Variants in LRBA observed in about 807,000 individuals in gnomAD.
LRBA encodes the protein lipopolysaccharide-responsive and beige-like anchor protein.
Under a neutral mutation model 330.0 loss-of-function variants are expected in LRBA, and 176 were observed. That is an observed-to-expected ratio of 0.53 (90% CI 0.47 to 0.60). The LOEUF (loss-of-function observed/expected upper bound fraction) is 0.60. Among genes scored for constraint, LRBA ranks in the 20% least tolerant of loss-of-function variants. The pLI is 0.00. For missense variants in LRBA, 3,259 were observed against 3,444.8 expected, an observed-to-expected ratio of 0.95 and a Z score of 1.35; for synonymous variants, 1,230 against 1,193.0, an observed-to-expected ratio of 1.03 and a Z score of -0.64.
chr4:150,335,477 G>GTA (rs1561030149), intron 48 of LRBA, among the ~76,000 whole-genome samples: 2 of 108,282 alleles, frequency 1.8e-5, no homozygotes, highest in African/African-American at 3.3e-5. Context: ...ATATATATAC[G>GTA]TATATATGTG....
chr4:150,895,240 C>T (rs896394466), intron 16 of LRBA, among the ~76,000 whole-genome samples: 4 of 151,774 alleles, frequency 2.6e-5, no homozygotes, highest in Non-Finnish European at 2.9e-5. Context: ...TTTCCTGGTG[C>T]TAAAAAATAA....
At chr4:150,632,338 C>G (rs1216778457) in intron 37 of LRBA, among the ~76,000 whole-genome samples, 1 of 151,762 alleles carries the variant, frequency 6.6e-6, no homozygotes, top group Non-Finnish European at 1.5e-5. Flanking sequence ...TTTTCTGGGA[C>G]AACTCTAAAT....
At chr4:150,957,430 T>C (rs971187735) in intron 2 of LRBA, among the ~76,000 whole-genome samples, 1 of 148,436 alleles carries the variant, frequency 6.7e-6, no homozygotes, top group African/African-American at 2.6e-5. Context: ...GCCCCCATGA[T>C]TCAATTACCT....
At chr4:150,652,231 T>C (rs1421723639) in intron 37 of LRBA, among the ~76,000 whole-genome samples, 1 of 152,134 alleles carries the variant, frequency 6.6e-6, no homozygotes, top group Non-Finnish European at 1.5e-5. Flanking sequence ...TTTCTCTCTC[T>C]CCCTCTCCTC....
intron 37 of LRBA, among the ~76,000 whole-genome samples, chr4:150,679,398 T>C (rs940675324): frequency 6.6e-6 from 1 of 152,216 alleles, no homozygotes; most frequent in Non-Finnish European, 1.5e-5. Context: ...CAGCTAACTG[T>C]CCACTGGAAC....
intron 42 of LRBA, among the ~76,000 whole-genome samples, chr4:150,482,970 T>C (rs1246151601): frequency 6.6e-6 from 1 of 152,046 alleles, no homozygotes; most frequent in Non-Finnish European, 1.5e-5. Flanking sequence ...CTGGCGTATA[T>C]TTTCATTTTC....
At chr4:150,745,662 C>T (rs1420038188) in intron 35 of LRBA, among the ~76,000 whole-genome samples, 7 of 151,964 alleles carry the variant, frequency 4.6e-5, no homozygotes, top group African/African-American at 1.5e-4. Context: ...ATTACAGGCA[C>T]GCACCACCAC....
At chr4:150,289,583 T>C (rs938608715) in intron 53 of LRBA, among the ~76,000 whole-genome samples, 3 of 152,222 alleles carry the variant, frequency 2.0e-5, no homozygotes, top group Non-Finnish European at 2.9e-5. Context: ...TCCTCACCTA[T>C]AGGAAATGTA....
At chr4:150,420,343 T>TATAATGCACATTATAGTATAAAGTATAC (rs1748494543) in intron 46 of LRBA, among the ~76,000 whole-genome samples, 1 of 145,254 alleles carries the variant, frequency 6.9e-6, no homozygotes, top group Non-Finnish European at 1.5e-5. Flanking sequence ...ATAAAGTATA[T>TATAATGCACATTATAGTATAAAGTATAC]ATAATACACA....
chr4:150,592,031 G>T (rs1772908386), intron 38 of LRBA, among the ~76,000 whole-genome samples: 1 of 151,368 alleles, frequency 6.6e-6, no homozygotes, highest in African/African-American at 2.4e-5. Context: ...TCATATAAGG[G>T]AAAGTTAAGA....
chr4:150,956,289 C>G (rs911714480), intron 2 of LRBA, among the ~76,000 whole-genome samples: 1 of 148,556 alleles, frequency 6.7e-6, no homozygotes, highest in Non-Finnish European at 1.5e-5. Context: ...GCAAATTCCT[C>G]AGAGGGATAC....
chr4:150,566,794 T>C (rs1025936183), intron 40 of LRBA, among the ~76,000 whole-genome samples: 3 of 152,092 alleles, frequency 2.0e-5, no homozygotes, highest in Admixed American at 2.0e-4. Flanking sequence ...ACACAGAAAG[T>C]ACTTCAGCAC....
intron 37 of LRBA, among the ~76,000 whole-genome samples, chr4:150,660,502 C>T (rs1367239586): frequency 6.6e-6 from 1 of 151,576 alleles, no homozygotes; most frequent in Non-Finnish European, 1.5e-5. Context: ...CCCCCCCGCC[C>T]GGCCAGCCGC....
chr4:150,334,495 T>C (rs1473533566), intron 48 of LRBA, among the ~76,000 whole-genome samples: 1 of 152,074 alleles, frequency 6.6e-6, no homozygotes, highest in African/African-American at 2.4e-5. Context: ...GTTATATATA[T>C]GTATGTGTAT....
chr4:150,985,000 G>A (rs1051231450), intron 2 of LRBA, among the ~76,000 whole-genome samples: 1 of 152,162 alleles, frequency 6.6e-6, no homozygotes, highest in Non-Finnish European at 1.5e-5. Context: ...GCTCATGCCC[G>A]TAATCCCAGT....
intron 2 of LRBA, chr4:151,012,735 A>T (rs1744994937): frequency 1.3e-5 from 2 of 152,132 alleles, no homozygotes; most frequent in Non-Finnish European, 2.9e-5. Context: ...GTGTTTATAC[A>T]TAAACTCCCA....
intron 49 of LRBA, among the ~76,000 whole-genome samples, chr4:150,325,000 C>T (rs182052887): frequency 9.2e-5 from 14 of 152,124 alleles, no homozygotes; most frequent in Middle Eastern, 3.4e-3. Flanking sequence ...AGTCTATTTC[C>T]GTACCCATGA....
At position 150,379,338 on chromosome 4, in the gene LRBA, T is replaced by TTCA. The variant is rs1434439105; in HGVS notation, c.7195-29182_7195-29180dup. ...AAAAAAAAAAAAAAGCAGATCAGAA[T>TTCA]TCATCATTAAATTCCTATATACAAA... On this transcript the variant is annotated intron_variant, in intron 47 of 56. Transcript: ENST00000651943. Among the ~76,000 whole-genome samples, 13 of 132,684 alleles carry TTCA rather than the reference T, an allele frequency of 9.8e-5. No homozygotes were observed. In the Admixed American group the frequency reaches 1.0e-3, roughly 10 times the overall value. 87.0% of individuals were successfully genotyped at this position (132,684 alleles called of 152,430 possible).
At chr4:150,440,694 G>T (rs1453365140) in intron 44 of LRBA, among the ~76,000 whole-genome samples, 1 of 152,060 alleles carries the variant, frequency 6.6e-6, no homozygotes, top group Non-Finnish European at 1.5e-5. Context: ...CCAGGAGGTT[G>T]AGGATGCAGT....
Sources: gnomAD v4.1 joint callset for allele counts (sites outside exome capture counted in the v4.1 genomes callset) on GRCh38, gnomAD v4.1.1 for gene constraint, MANE v1.5 for transcripts, NCBI Gene and HGNC (gene_info 2026-07-23, HGNC 2026-07-21) for gene names.